The following SGCD variants were observed in gnomAD, a reference collection of about 807,000 sequenced individuals.
SGCD encodes the protein delta-sarcoglycan.
A neutral mutation model predicts 36.6 loss-of-function variants in SGCD; 18 were observed. That is an observed-to-expected ratio of 0.49 (90% CI 0.34 to 0.73). SGCD has a LOEUF of 0.73. Among genes scored for constraint, SGCD ranks in the 30% least tolerant of loss-of-function variants. The probability of loss-of-function intolerance (pLI) is 0.01; values close to 1 mark genes in which losing one functional copy is unlikely to be tolerated. For synonymous variants in SGCD, 133 were observed against 130.6 expected (o/e 1.02, Z -0.12); for missense variants, 387 against 346.7 (o/e 1.12, Z -0.92).
At chr5:156,008,296 G>A (rs551415091) in intron 1 of SGCD, among the ~76,000 whole-genome samples, 15 of 152,140 alleles carry the variant, frequency 9.9e-5, no homozygotes, top group Non-Finnish European at 1.8e-4. Context: ...AATCCTTGAA[G>A]TTCCTTGACT....
intron 3 of SGCD, among the ~76,000 whole-genome samples, chr5:156,464,856 T>C (rs1173572384): frequency 6.6e-6 from 1 of 152,088 alleles, no homozygotes; most frequent in African/African-American, 2.4e-5. Flanking sequence ...CCCCAAATAA[T>C]TGAAAGGCTT....
chr5:155,796,525 C>T, the SGCD span, among the ~76,000 whole-genome samples: 13 of 151,712 alleles, frequency 8.6e-5, no homozygotes, highest in East Asian at 3.9e-4. Flanking sequence ...ATGATTCGGC[C>T]GGGCGCGGTG....
intron 3 of SGCD, among the ~76,000 whole-genome samples, chr5:156,133,953 ACACACACAG>A (rs1561533603): frequency 5.9e-5 from 8 of 136,348 alleles, no homozygotes; most frequent in African/African-American, 2.1e-4. Flanking sequence ...ACACACACAC[ACACACACAG>A]TTTCTCTCTG....
intron 1 of SGCD, among the ~76,000 whole-genome samples, chr5:155,894,865 CAT>C (rs1756212737): frequency 6.6e-6 from 1 of 152,074 alleles, no homozygotes; most frequent in Non-Finnish European, 1.5e-5. Context: ...TGTAATAAAT[CAT>C]AGAAATAAAG....
the SGCD span, among the ~76,000 whole-genome samples, chr5:155,858,691 G>A: frequency 1.6e-4 from 24 of 152,160 alleles, no homozygotes; most frequent in Non-Finnish European, 2.9e-5. Context: ...CAATCAATGT[G>A]TGATAAAAAT....
intron 1 of SGCD, among the ~76,000 whole-genome samples, chr5:155,996,268 C>A (rs1293674815): frequency 2.0e-5 from 3 of 152,050 alleles, no homozygotes; most frequent in Non-Finnish European, 2.9e-5. Context: ...TTCTGATCTT[C>A]TCCCTCCTCC....
At chr5:156,443,920 C>T (rs1359981787) in intron 3 of SGCD, among the ~76,000 whole-genome samples, 4 of 152,062 alleles carry the variant, frequency 2.6e-5, no homozygotes, top group Non-Finnish European at 4.4e-5. Context: ...TTTCTAGTAT[C>T]TTATCTAACT....
chr5:156,087,535 G>T (rs1479536600), intron 1 of SGCD, among the ~76,000 whole-genome samples: 3 of 151,662 alleles, frequency 2.0e-5, no homozygotes, highest in South Asian at 2.1e-4. Context: ...AGCTACTCAG[G>T]AGGCTGTGGC....
At chr5:156,141,152 G>T (rs1201882285) in intron 3 of SGCD, among the ~76,000 whole-genome samples, 1 of 152,192 alleles carries the variant, frequency 6.6e-6, no homozygotes, top group Non-Finnish European at 1.5e-5. Context: ...GTAAGTGAAG[G>T]CTTGGCTGCC....
At chr5:156,607,231 G>A (rs144089755) in intron 6 of SGCD, among the ~76,000 whole-genome samples, 5,536 of 152,194 alleles carry the variant, frequency 0.036, 336 homozygotes, top group African/African-American at 0.13. Context: ...TCAATACCTA[G>A]TTTATTGAGA....
intron 3 of SGCD, among the ~76,000 whole-genome samples, chr5:156,148,861 G>T (rs73811418): frequency 0.068 from 10,325 of 152,186 alleles, 578 homozygotes; most frequent in African/African-American, 0.16. Flanking sequence ...CTCTAGAGCC[G>T]TGGAAAGTTT....
intron 3 of SGCD, among the ~76,000 whole-genome samples, chr5:156,124,839 C>T (rs912000299): frequency 2.6e-5 from 4 of 151,796 alleles, no homozygotes; most frequent in Non-Finnish European, 5.9e-5. Context: ...AGGCATTGTG[C>T]TATGAGCTTT....
At chr5:156,683,962 G>T (rs1361694462) in intron 7 of SGCD, among the ~76,000 whole-genome samples, 1 of 152,168 alleles carries the variant, frequency 6.6e-6, no homozygotes, top group Non-Finnish European at 1.5e-5. Context: ...CTACAAAAAT[G>T]ACAGCCCAAC....
At chr5:156,538,632 A>G (rs769484699) in intron 4 of SGCD, among the ~76,000 whole-genome samples, 40 of 152,250 alleles carry the variant, frequency 2.6e-4, no homozygotes, top group Non-Finnish European at 4.7e-4. Flanking sequence ...TAACACTTAA[A>G]AAAAAGCCTC....
chr5:156,088,709 A>C (rs765217216), intron 1 of SGCD, among the ~76,000 whole-genome samples: 3 of 152,150 alleles, frequency 2.0e-5, no homozygotes, highest in Non-Finnish European at 4.4e-5. Flanking sequence ...TTATAAAGAC[A>C]AAGTCTCACT....
chr5:155,887,272 T>TAG (rs1738984247), intron 1 of SGCD, among the ~76,000 whole-genome samples: 1 of 152,244 alleles, frequency 6.6e-6, no homozygotes, highest in Non-Finnish European at 1.5e-5. Context: ...AGTCTTCTAT[T>TAG]AGATGATCAA....
At chr5:156,372,585 GTA>G (rs374745302) in intron 3 of SGCD, among the ~76,000 whole-genome samples, 4 of 150,850 alleles carry the variant, frequency 2.7e-5, no homozygotes, top group Non-Finnish European at 5.9e-5. Context: ...AGATAACTTT[GTA>G]TATATATATA....
intron 3 of SGCD, among the ~76,000 whole-genome samples, chr5:156,438,836 C>T (rs1753365045): frequency 6.6e-6 from 1 of 152,106 alleles, no homozygotes; most frequent in Non-Finnish European, 1.5e-5. Context: ...TGATAACAGT[C>T]ATAACAACTC....
intron 1 of SGCD, among the ~76,000 whole-genome samples, chr5:156,033,382 C>T (rs932561073): frequency 1.3e-5 from 2 of 152,156 alleles, no homozygotes; most frequent in Non-Finnish European, 2.9e-5. Flanking sequence ...AACCCTCACC[C>T]TCCTCCCACC....
Sources: gnomAD v4.1 joint callset for allele counts (sites outside exome capture counted in the v4.1 genomes callset) on GRCh38, gnomAD v4.1.1 for gene constraint, MANE v1.5 for transcripts, NCBI Gene and HGNC (gene_info 2026-07-23, HGNC 2026-07-21) for gene names.